CEP41: variants seen among roughly 807,000 people sequenced by gnomAD.
CEP41 encodes the protein centrosomal protein 41.
CEP41 carries 32 observed loss-of-function variants against 44.3 expected under a neutral mutation model. The observed-to-expected ratio is 0.72, with a 90% CI of 0.54 to 0.97. The LOEUF is 0.97. CEP41 is among the 50% of genes least tolerant of loss of function. The pLI is 0.00. For missense variants in CEP41, 432 were observed against 455.2 expected, an observed-to-expected ratio of 0.95 and a Z score of 0.46; for synonymous variants, 151 against 168.5, an observed-to-expected ratio of 0.90 and a Z score of 0.80.
chr7:130,421,208 A>G (rs1554422130), intron 2 of CEP41: 5 of 985,076 alleles, frequency 5.1e-6, no homozygotes, highest in Non-Finnish European at 6.0e-6. Context: ...TTTTCCTATA[A>G]TTTAATAACA....
At chr7:130,417,398 G>A in intron 2 of CEP41, 1 of 1,027,140 alleles carries the variant, frequency 9.7e-7, no homozygotes, top group Non-Finnish European at 1.2e-6. Context: ...GGTTACCCAA[G>A]CAACTCTCTC....
intron 5 of CEP41, among the ~76,000 whole-genome samples, chr7:130,405,506 C>T (rs571066623): frequency 2.0e-4 from 30 of 152,214 alleles, no homozygotes; most frequent in African/African-American, 5.1e-4. Flanking sequence ...CATCAGGAAC[C>T]GAAGTATGGG....
intron 2 of CEP41, chr7:130,420,120 C>T (rs1026971877): frequency 6.0e-5 from 58 of 962,636 alleles, no homozygotes; most frequent in African/African-American, 8.9e-5. Flanking sequence ...CCAGGAGTTC[C>T]GGACCAGCCT....
chr7:130,414,962 G>A (rs1252966935), intron 3 of CEP41, among the ~76,000 whole-genome samples: 2 of 152,050 alleles, frequency 1.3e-5, no homozygotes, highest in African/African-American at 2.4e-5. Flanking sequence ...TGTCTCTCTC[G>A]AGTTACTGGA....
At chr7:130,423,049 C>T (rs1445386629) in intron 2 of CEP41, among the ~76,000 whole-genome samples, 5 of 152,176 alleles carry the variant, frequency 3.3e-5, no homozygotes, top group East Asian at 1.9e-4. Context: ...TGGGTTCAAG[C>T]GATTCTCCTG....
Position 130,400,367 on chromosome 7 carries a change from C to A in CEP41, c.758-113G>T, listed in dbSNP as rs566988315. On this transcript the variant is annotated intron_variant, in intron 9 of 10. Transcript: ENST00000223208. ...TCTGGTCATCAAGTTGAGGCCAACA[C>A]AAGGACATGAAATCTTTCTTAACTA... 1.5e-4 allele frequency: 120 copies of A among 774,324 alleles called. No individual in the cohort carries two copies. In the African/African-American group the frequency reaches 1.8e-3, roughly 11 times the overall value. The allele number at this position is 774,324 out of a possible 1,614,324, so 48.0% of individuals were successfully genotyped here.
rs1554414838 is a variant in CEP41, at chr7:130,396,911, G to A, written c.*1980C>T. ...TCCAAAGTTGTCTGACGATGGGAAC[G>A]CAGAATCGGAACAAGGAGGGAAGAC... is the stretch of plus-strand genomic sequence containing the variant. On this transcript the variant is annotated 3_prime_UTR_variant, in exon 11 of 11. Transcript: ENST00000223208. 1 of 449,674 alleles carries A rather than the reference G, an allele frequency of 2.2e-6. No individual in the cohort carries two copies. Among genetic ancestry groups the A allele is most frequent in the Non-Finnish European group, 4.4e-6 (1 of 224,808 alleles). 27.9% of individuals were successfully genotyped at this position (449,674 alleles called of 1,614,324 possible). A position where few individuals can be genotyped will look rare whatever the true frequency, so the allele number is the denominator to read the frequency against.
chr7:130,404,450 C>T, intron 6 of CEP41, 114 bp downstream of exon 6: 1 of 825,668 alleles, frequency 1.2e-6, no homozygotes, highest in South Asian at 1.4e-5. Context: ...AAATGTGAGA[C>T]TTTACTCCTG....
intron 1 of CEP41, among the ~76,000 whole-genome samples, chr7:130,439,468 C>T (rs10281423): frequency 0.49 from 74,741 of 151,716 alleles, 19,063 homozygotes; most frequent in East Asian, 0.83. Context: ...TCTCAAAAAC[C>T]ATTCCTCCTG....
intron 1 of CEP41, among the ~76,000 whole-genome samples, chr7:130,436,641 C>CTTTTTTTTTTTTTTTTTTT (rs1336962177): frequency 8.5e-6 from 1 of 117,794 alleles, no homozygotes; most frequent in Non-Finnish European, 1.8e-5. Flanking sequence ...CTTCTTTGTA[C>CTTTTTTTTTTTTTTTTTTT]TATTTTTTTT....
chr7:130,394,649 G>C lies in CEP41; in HGVS notation c.*4242C>G. ...GCCCACAAAGGCAGGATACACAAGG[G>C]GGACAGAAGATAACGAGCTTTCTGG... is the stretch of plus-strand genomic sequence containing the variant. On this transcript the variant is annotated 3_prime_UTR_variant, in exon 11 of 11. Transcript: ENST00000223208. 2.2e-6 allele frequency: 1 copy of C among 453,990 alleles called. No homozygotes were observed. Among genetic ancestry groups the C allele is most frequent in the South Asian group, 1.6e-5 (1 of 64,466 alleles). 28.1% of individuals were successfully genotyped at this position (453,990 alleles called of 1,614,324 possible). A position where few individuals can be genotyped will look rare whatever the true frequency, so the allele number is the denominator to read the frequency against.
intron 2 of CEP41, chr7:130,419,311 G>A: frequency 1.0e-6 from 1 of 985,346 alleles, no homozygotes; most frequent in Non-Finnish European, 1.2e-6. Context: ...GCTTTAATTG[G>A]ACAAATGAGA....
intron 5 of CEP41, 37 bp downstream of exon 5, chr7:130,411,085 A>T (rs1293084129): frequency 6.4e-7 from 1 of 1,572,166 alleles, no homozygotes; most frequent in South Asian, 1.1e-5. Flanking sequence ...TCAAATGGTC[A>T]GCCTGTTATT....
At chr7:130,419,855 T>A in intron 2 of CEP41, 1 of 985,352 alleles carries the variant, frequency 1.0e-6, no homozygotes, top group Non-Finnish European at 1.2e-6. Context: ...CCTCTGAGCC[T>A]CTATAGCACT....
At chr7:130,401,801 T>C in intron 8 of CEP41, 80 bp downstream of exon 8, 2 of 948,028 alleles carry the variant, frequency 2.1e-6, no homozygotes, top group Non-Finnish European at 3.4e-6. Flanking sequence ...ACAGCATTCT[T>C]ACCAGGAGCG....
intron 2 of CEP41, among the ~76,000 whole-genome samples, chr7:130,427,139 T>C (rs781825825): frequency 2.0e-5 from 3 of 152,168 alleles, no homozygotes; most frequent in Non-Finnish European, 4.4e-5. Flanking sequence ...AAAGTCAACA[T>C]CGTCATTTAC....
At chr7:130,417,041 G>A in intron 2 of CEP41, 75 bp from the exon 3 acceptor site, 1 of 1,371,254 alleles carries the variant, frequency 7.3e-7, no homozygotes, top group Non-Finnish European at 1.0e-6. Flanking sequence ...ACAGAATGGA[G>A]GAAAAGTATC....
At chr7:130,417,297 GC>G (rs1330883594) in intron 2 of CEP41, 2 of 1,124,462 alleles carry the variant, frequency 1.8e-6, no homozygotes, top group Non-Finnish European at 1.1e-6. Context: ...TATCTCCCCT[GC>G]CCCCGCTGAC....
At position 130,398,695 on chromosome 7, in the gene CEP41, G is replaced by A; in HGVS notation, c.*196C>T. 1.3e-6 allele frequency: 1 copy of A among 764,312 alleles called. No homozygotes were observed. Among genetic ancestry groups the A allele is most frequent in the South Asian group, 1.4e-5 (1 of 73,334 alleles). 47.3% of individuals were successfully genotyped at this position (764,312 alleles called of 1,614,324 possible). Reference sequence around the variant, plus strand: ...GCCTGTCACACCTCTGGTTTTTATGGTCACCTGTCAAAATCCTTCCTGAGG... The same window carrying A: ...GCCTGTCACACCTCTGGTTTTTATGATCACCTGTCAAAATCCTTCCTGAGG... On this transcript the variant is annotated 3_prime_UTR_variant, in exon 11 of 11. Coordinates refer to ENST00000223208, the MANE Select transcript of CEP41 (RefSeq NM_018718.3).
Sources: allele counts gnomAD v4.1 joint callset (sites outside exome capture counted in the v4.1 genomes callset), GRCh38; gene constraint gnomAD v4.1.1; transcripts MANE v1.5; gene names NCBI Gene and HGNC (gene_info 2026-07-23, HGNC 2026-07-21).